The following PCDH7 variants were observed in gnomAD, a reference collection of about 807,000 sequenced individuals.
PCDH7 encodes protocadherin-7.
A neutral mutation model predicts 58.9 loss-of-function variants in PCDH7; 17 were observed. The ratio of observed to expected loss-of-function variants is 0.29; its 90% CI spans 0.20 to 0.43. The LOEUF is 0.43. Ranked by LOEUF, PCDH7 falls within the 20% of genes least tolerant of loss-of-function variation. PCDH7 has a pLI of 1.00. For missense variants in PCDH7, 1,274 were observed against 1,441.0 expected (o/e 0.88, Z 1.88); for synonymous variants, 664 against 616.4 (o/e 1.08, Z -1.14).
intron 1 of PCDH7, among the ~76,000 whole-genome samples, chr4:30,890,105 G>T (rs73214928): frequency 6.6e-6 from 1 of 152,028 alleles, no homozygotes; most frequent in South Asian, 2.1e-4. Context: ...TCTATGTACA[G>T]CATTTATTTA....
downstream of PCDH7, chr4:31,143,112 C>CAA (rs796939097): frequency 1.5e-3 from 144 of 97,244 alleles, 1 homozygote; most frequent in African/African-American, 4.5e-3. Context: ...CACCCCTCTC[C>CAA]AAAAAAAAAA....
intron 3 of PCDH7, among the ~76,000 whole-genome samples, chr4:31,015,612 A>C: frequency 6.6e-6 from 1 of 152,168 alleles, no homozygotes; most frequent in Non-Finnish European, 1.5e-5. Context: ...ACTACCCAGA[A>C]TCTGTCTCTG....
intron 1 of PCDH7, among the ~76,000 whole-genome samples, chr4:30,751,246 A>T (rs1293588251): frequency 6.6e-6 from 1 of 152,210 alleles, no homozygotes. Flanking sequence ...TTTCAAAGTA[A>T]CGTGGTAAAA....
intron 1 of PCDH7, among the ~76,000 whole-genome samples, chr4:30,834,965 G>A (rs928110700): frequency 6.6e-5 from 10 of 150,976 alleles, no homozygotes; most frequent in South Asian, 2.1e-4. Context: ...CAATAAAATT[G>A]CTATAAATGT....
intron 1 of PCDH7, among the ~76,000 whole-genome samples, chr4:30,856,445 CTT>C: frequency 6.6e-6 from 1 of 152,014 alleles, no homozygotes; most frequent in East Asian, 1.9e-4. Flanking sequence ...ACAGATTAAA[CTT>C]TGAGCTTCTT....
At chr4:30,823,412 C>T (rs1218261271) in intron 1 of PCDH7, among the ~76,000 whole-genome samples, 1 of 152,212 alleles carries the variant, frequency 6.6e-6, no homozygotes, top group Non-Finnish European at 1.5e-5. Flanking sequence ...CTTATTAGTA[C>T]GTGCCCTTTA....
chr4:30,723,913 A>G lies in PCDH7; in HGVS notation c.2491A>G (p.Thr831Ala), dbSNP rs1469373915. ...TGACAGTGGGCAGCCTTCCCAGTCC[A>G]CCACGACTCTGGTGCACGTGTTTGT... Residue 831 changes from threonine to alanine, a missense_variant, in exon 1 of 2, where the codon ACC (threonine) becomes GCC (alanine). This residue lies in a region of PCDH7 where 731 missense variants were observed against 881.9 expected (regional missense o/e 0.83). Coordinates refer to ENST00000361762, the Ensembl canonical transcript of PCDH7. The surrounding 1 kb of genome is among the most constrained non-coding windows in gnomAD (Gnocchi z 4.6). The G allele has an allele frequency of 6.2e-7, 1 of 1,613,916 alleles. No individual in the cohort carries two copies. The highest frequency in any genetic ancestry group is 1.1e-5 in the South Asian group (1 of 91,062).
At chr4:31,144,578 T>A (rs1720553877), downstream of PCDH7, 1 of 152,194 alleles carries the variant, frequency 6.6e-6, no homozygotes, top group African/African-American at 2.4e-5. Flanking sequence ...ACAATGTAGC[T>A]TTGGGTAGTT....
intron 3 of PCDH7, among the ~76,000 whole-genome samples, chr4:30,991,908 A>G (rs956016676): frequency 5.9e-5 from 9 of 152,340 alleles, no homozygotes; most frequent in African/African-American, 2.2e-4. Flanking sequence ...ATTTTACTAA[A>G]TATTTGAAAA....
At chr4:30,874,544 G>T (rs1264610014) in intron 1 of PCDH7, among the ~76,000 whole-genome samples, 2 of 149,752 alleles carry the variant, frequency 1.3e-5, no homozygotes, top group African/African-American at 4.9e-5. Context: ...CTGTTGTGGG[G>T]TGGGGGGTGG....
At chr4:30,947,562 A>G (rs1436095957) in intron 2 of PCDH7, among the ~76,000 whole-genome samples, 1 of 152,072 alleles carries the variant, frequency 6.6e-6, no homozygotes, top group Non-Finnish European at 1.5e-5. Context: ...CAATTCTTGT[A>G]TTTTATTTCA....
intron 2 of PCDH7, among the ~76,000 whole-genome samples, chr4:30,921,683 G>T (rs1237711822): frequency 6.6e-6 from 1 of 151,900 alleles, no homozygotes; most frequent in African/African-American, 2.4e-5. Flanking sequence ...TGTGTATGGT[G>T]GTGTGTGCTT....
intron 1 of PCDH7, among the ~76,000 whole-genome samples, chr4:30,845,677 A>G (rs1228033356): frequency 1.3e-5 from 2 of 152,066 alleles, no homozygotes; most frequent in Non-Finnish European, 2.9e-5. Context: ...ACAGCTCACT[A>G]CAAACTCAAA....
At chr4:30,932,551 A>T (rs2109427558) in intron 2 of PCDH7, among the ~76,000 whole-genome samples, 1 of 152,310 alleles carries the variant, frequency 6.6e-6, no homozygotes, top group East Asian at 1.9e-4. Flanking sequence ...CCAAGTAAAA[A>T]ATGCAACTCC....
intron 3 of PCDH7, among the ~76,000 whole-genome samples, chr4:31,027,494 C>T (rs1754531471): frequency 6.6e-6 from 1 of 152,142 alleles, no homozygotes; most frequent in Admixed American, 6.5e-5. Flanking sequence ...GCAATCTCAG[C>T]TCACTGCAAC....
chr4:30,863,457 C>T (rs1463489475), intron 1 of PCDH7, among the ~76,000 whole-genome samples: 1 of 152,028 alleles, frequency 6.6e-6, no homozygotes, highest in African/African-American at 2.4e-5. Flanking sequence ...GTCCCTACAA[C>T]AAATGATCGT....
At chr4:31,132,345 G>A (rs10008926) in intron 3 of PCDH7, among the ~76,000 whole-genome samples, 47,716 of 151,848 alleles carry the variant, frequency 0.31, 7,929 homozygotes, top group African/African-American at 0.42. Context: ...TAAAATGAGC[G>A]CTTCCTTCAA....
At chr4:30,899,049 G>T (rs1279728570) in intron 1 of PCDH7, among the ~76,000 whole-genome samples, 1 of 152,042 alleles carries the variant, frequency 6.6e-6, no homozygotes, top group South Asian at 2.1e-4. Flanking sequence ...TGAACTTTAT[G>T]AAGTAATGGA....
intron 3 of PCDH7, among the ~76,000 whole-genome samples, chr4:30,990,507 A>G (rs1751379597): frequency 6.6e-6 from 1 of 152,140 alleles, no homozygotes; most frequent in Admixed American, 6.6e-5. Flanking sequence ...TTCTTTTTCA[A>G]AATAGTCACT....
Sources: allele counts gnomAD v4.1 joint callset (sites outside exome capture counted in the v4.1 genomes callset), GRCh38; gene constraint gnomAD v4.1.1; regional missense constraint gnomAD v4.1.1; non-coding constraint Gnocchi (gnomAD v3.1); transcripts MANE v1.5; gene names NCBI Gene and HGNC (gene_info 2026-07-23, HGNC 2026-07-21).